SLC9A3: variants seen among roughly 807,000 people sequenced by gnomAD.
SLC9A3 encodes the protein solute carrier family 9 member A3.
SLC9A3 carries 37 observed loss-of-function variants against 86.8 expected under a neutral mutation model. That is an observed-to-expected ratio of 0.43 (90% confidence interval 0.33 to 0.56). The LOEUF (loss-of-function observed/expected upper bound fraction) is 0.56. Among genes scored for constraint, SLC9A3 ranks in the 20% least tolerant of loss-of-function variants. The pLI is 0.06. For synonymous variants in SLC9A3, 581 were observed against 528.3 expected, an observed-to-expected ratio of 1.10 and a Z score of -1.37; for missense variants, 1,011 against 1,171.9, an observed-to-expected ratio of 0.86 and a Z score of 2.00.
Position 472,101 on chromosome 5 carries a change from C to T in SLC9A3, c.*1278G>A. Reference sequence around the variant, plus strand: ...GTGGGTTGGACCCTGTGGGACTTGCCGTCTGAGGGATGGATGGACTCCGAG... The same window carrying T: ...GTGGGTTGGACCCTGTGGGACTTGCTGTCTGAGGGATGGATGGACTCCGAG... On this transcript the variant is annotated 3_prime_UTR_variant, in exon 17 of 17. Transcript: ENST00000264938. The T allele has an allele frequency of 2.4e-6, 1 of 422,392 alleles. No individual in the cohort carries two copies. Among genetic ancestry groups the T allele is most frequent in the Non-Finnish European group, 4.8e-6 (1 of 209,446 alleles). The allele number at this position is 422,392 out of a possible 1,614,324, so 26.2% of individuals were successfully genotyped here. A position where few individuals can be genotyped will look rare whatever the true frequency, so the allele number is the denominator to read the frequency against.
At chr5:486,847 C>T (rs1278896751) in intron 3 of SLC9A3, among the ~76,000 whole-genome samples, 1 of 134,244 alleles carries the variant, frequency 7.4e-6, no homozygotes, top group Non-Finnish European at 1.6e-5. Flanking sequence ...AGGAGCCCAC[C>T]ACACTGACAC....
At chr5:504,036 C>T (rs1235406593) in intron 1 of SLC9A3, among the ~76,000 whole-genome samples, 1 of 150,960 alleles carries the variant, frequency 6.6e-6, no homozygotes, top group East Asian at 2.0e-4. Context: ...TCATTCACTT[C>T]AAAGTAGAAA....
intron 1 of SLC9A3, among the ~76,000 whole-genome samples, chr5:515,727 T>TCA (rs1286977474): frequency 7.6e-6 from 1 of 131,046 alleles, no homozygotes. Flanking sequence ...CCCCTGCCAC[T>TCA]CACACACCCA....
At position 474,923 on chromosome 5, in the gene SLC9A3, C is replaced by G; in HGVS notation, c.2461G>C (p.Glu821Gln). ...VDSFLQADGP[E>Q]ERPPAALPES... Reference sequence around the variant, plus strand: ...GGGAGGGCGGCGGGGGGCCGCTCCTCGGGGCCGTCTGCCTGCAGGAAGGAG... The same window carrying G: ...GGGAGGGCGGCGGGGGGCCGCTCCTGGGGGCCGTCTGCCTGCAGGAAGGAG... The change falls in exon 16 of 17, where the codon GAG becomes CAG. Residue 821 changes from glutamate to glutamine, a missense_variant. Around this residue, in one of 3 missense-constraint regions of SLC9A3, gnomAD observed 397 missense variants for 346.3 expected, o/e 1.15. Transcript: ENST00000264938. The G allele has an allele frequency of 6.2e-7, 1 of 1,600,500 alleles. No homozygotes were observed. Among genetic ancestry groups the G allele is most frequent in the Admixed American group, 1.7e-5 (1 of 57,168 alleles).
At chr5:523,857 G>C (rs1419644331) in intron 1 of SLC9A3, among the ~76,000 whole-genome samples, 2 of 152,186 alleles carry the variant, frequency 1.3e-5, no homozygotes, top group African/African-American at 2.4e-5. Context: ...GACCCCACAG[G>C]GACCCGGGAG....
In SLC9A3 at chr5:476,351, G is replaced by C. The variant is rs1279194129; in HGVS notation, c.1918C>G (p.Leu640Val). ...EYKHLYSRHE[L>V]TPTEDEKQDR... is the part of the protein sequence containing the mutation. Reference sequence around the variant, plus strand: ...TGTTTCTCGTCCTCCGTGGGCGTGAGCTCGTGTCGGCTGTACAGATGCTTG... The same window carrying C: ...TGTTTCTCGTCCTCCGTGGGCGTGACCTCGTGTCGGCTGTACAGATGCTTG... The change falls in exon 13 of 17, where the codon CTC becomes GTC. Residue 640 changes from leucine to valine, a missense_variant. Physicochemically the swap from Leu to Val is conservative, Grantham distance 32. Coordinates refer to ENST00000264938, the MANE Select transcript of SLC9A3 (RefSeq NM_004174.4). 6.2e-7 allele frequency: 1 copy of C among 1,613,860 alleles called. No homozygotes were observed. Among genetic ancestry groups the C allele is most frequent in the Non-Finnish European group, 8.5e-7 (1 of 1,180,014 alleles).
chr5:484,093 G>A (rs1013764489), intron 5 of SLC9A3, among the ~76,000 whole-genome samples: 4 of 151,516 alleles, frequency 2.6e-5, no homozygotes, highest in East Asian at 2.0e-4. Flanking sequence ...GGCTCACCCC[G>A]CCGGACCCAG....
rs1560954803 is a variant in SLC9A3 at position 482,712 on chromosome 5, T to A, written c.1192A>T (p.Met398Leu). ...TGGTCAATGGGCTCCAGCTGCACCA[T>A]GCGGTAGCGGTTCAGAAGCCAGGTC... ...LQTWLLNRYRMVQLEPIDQVV... is the reference protein window; with the variant it reads ...LQTWLLNRYRLVQLEPIDQVV... Residue 398 changes from methionine to leucine, a missense_variant, in exon 7 of 17, where the codon ATG becomes TTG. Physicochemically the swap from Met to Leu is conservative, Grantham distance 15. This residue lies in a region of SLC9A3 where 565 missense variants were observed against 790.0 expected (regional missense o/e 0.72). Coordinates refer to ENST00000264938, the MANE Select transcript of SLC9A3 (RefSeq NM_004174.4). 2 of 1,611,278 alleles carry A rather than the reference T, an allele frequency of 1.2e-6. No individual in the cohort carries two copies. Among genetic ancestry groups the A allele is most frequent in the South Asian group, 2.2e-5 (2 of 90,888 alleles).
chr5:474,130 A>G (rs965213253), intron 16 of SLC9A3, among the ~76,000 whole-genome samples: 1 of 151,014 alleles, frequency 6.6e-6, no homozygotes. Flanking sequence ...GAGGAGAGAG[A>G]GCGAGCGCGC....
At position 470,580 on chromosome 5, in the gene SLC9A3, T is replaced by C. The variant is rs3315; in HGVS notation, c.*2799A>G. On this transcript the variant is annotated 3_prime_UTR_variant, in exon 17 of 17. Transcript: ENST00000264938. ...ATTTCGGTGATGGGCCCTCCCTGTC[T>C]GGACACTGCCAACCCACAGCTGGAG... 0.14 allele frequency: 21,421 copies of C among 152,438 alleles called. 1,962 individuals are homozygous for C. Among genetic ancestry groups the C allele is most frequent in the Non-Finnish European group, 0.2 (13,447 of 68,012 alleles). The allele number at this position is 152,438 out of a possible 1,614,324, so 9.4% of individuals were successfully genotyped here.
intron 3 of SLC9A3, among the ~76,000 whole-genome samples, chr5:486,313 G>A (rs1173401248): frequency 6.6e-6 from 1 of 152,162 alleles, no homozygotes; most frequent in Non-Finnish European, 1.5e-5. Context: ...CTCACTGACG[G>A]TTCCTAGGAG....
intron 1 of SLC9A3, among the ~76,000 whole-genome samples, chr5:515,012 G>C (rs1053357513): frequency 3.3e-5 from 5 of 152,148 alleles, no homozygotes; most frequent in African/African-American, 1.2e-4. Context: ...AGCCCTCGGG[G>C]ATGCACTCAA....
Position 476,078 on chromosome 5 carries a change from G to A in SLC9A3, c.2082C>T (p.Ile694=), listed in dbSNP as rs1210521567. ...ERAQKRRNSS[I]PNGKLPMESP... ...TCTCCATGGGCAGCTTCCCATTGGG[G>A]ATGCTGCTGTTTCTCTGCGGAGCAA... Residue 694 remains isoleucine, a synonymous_variant, in exon 14 of 17, where the codon ATC becomes ATT. Transcript: ENST00000264938. 2 of 1,613,458 alleles carry A rather than the reference G, an allele frequency of 1.2e-6. No homozygotes were observed. The highest frequency in any genetic ancestry group is 1.7e-6 in the Non-Finnish European group (2 of 1,179,898).
At chr5:514,007 T>C (rs979601862) in intron 1 of SLC9A3, among the ~76,000 whole-genome samples, 2 of 152,188 alleles carry the variant, frequency 1.3e-5, no homozygotes, top group Non-Finnish European at 2.9e-5. Flanking sequence ...ATTCCCCCAC[T>C]GTGTGCTGGG....
At chr5:493,026 C>A (rs1414083320) in intron 1 of SLC9A3, among the ~76,000 whole-genome samples, 1 of 152,112 alleles carries the variant, frequency 6.6e-6, no homozygotes, top group African/African-American at 2.4e-5. Context: ...TCGCCCCTGC[C>A]AGGACCTCAG....
Position 475,887 on chromosome 5 carries a change from G to C in SLC9A3, c.2140+133C>G, listed in dbSNP as rs1035117250. 48 of 817,058 alleles carry C rather than the reference G, an allele frequency of 5.9e-5. No individual in the cohort carries two copies. In the African/African-American group the frequency reaches 7.1e-4, roughly 12 times the overall value. The allele number at this position is 817,058 out of a possible 1,614,324, so 50.6% of individuals were successfully genotyped here. A position where few individuals can be genotyped will look rare whatever the true frequency, so the allele number is the denominator to read the frequency against. On this transcript the variant is annotated intron_variant, in intron 14 of 16. Transcript: ENST00000264938. ...GGTCTGCAGCTGGGGCCCTGACCAT[G>C]CCTCCCCTGCCTGGGTGGCTGGAGG...
At chr5:520,954 C>T (rs1394459197) in intron 1 of SLC9A3, among the ~76,000 whole-genome samples, 1 of 152,184 alleles carries the variant, frequency 6.6e-6, no homozygotes, top group African/African-American at 2.4e-5. Flanking sequence ...TTCTGGTGGG[C>T]ACCTAAGGCC....
intron 2 of SLC9A3, among the ~76,000 whole-genome samples, chr5:489,216 G>A (rs1025219626): frequency 6.6e-6 from 1 of 152,164 alleles, no homozygotes; most frequent in Non-Finnish European, 1.5e-5. Context: ...CCTCTCTCAC[G>A]GCCGCAGGGC....
chr5:508,093 G>A (rs1223739002), intron 1 of SLC9A3, among the ~76,000 whole-genome samples: 3 of 152,378 alleles, frequency 2.0e-5, no homozygotes, highest in Middle Eastern at 3.4e-3. Context: ...CACCAGTGGA[G>A]CCAGGGGAAG....
Sources: allele counts gnomAD v4.1 joint callset (sites outside exome capture counted in the v4.1 genomes callset), GRCh38; gene constraint gnomAD v4.1.1; regional missense constraint gnomAD v4.1.1; transcripts MANE v1.5; gene names NCBI Gene and HGNC (gene_info 2026-07-23, HGNC 2026-07-21).